ATP8A2: variants seen among roughly 807,000 people sequenced by gnomAD.
ATP8A2 encodes phospholipid-transporting ATPase IB.
Under a neutral mutation model 165.6 loss-of-function variants are expected in ATP8A2, and 100 were observed. That is an observed-to-expected ratio of 0.60 (90% CI 0.51 to 0.71). The LOEUF (loss-of-function observed/expected upper bound fraction) is 0.71, where lower values mean the gene tolerates loss of function less well. Ranked by LOEUF, ATP8A2 falls within the 30% of genes least tolerant of loss-of-function variation. The pLI is 0.00. For missense variants in ATP8A2, 1,227 were observed against 1,479.5 expected, an observed-to-expected ratio of 0.83 and a Z score of 2.80; for synonymous variants, 543 against 548.8, an observed-to-expected ratio of 0.99 and a Z score of 0.15.
At chr13:25,869,949 G>T (rs1952629360) in intron 33 of ATP8A2, among the ~76,000 whole-genome samples, 1 of 152,232 alleles carries the variant, frequency 6.6e-6, no homozygotes, top group African/African-American at 2.4e-5. Context: ...AGAGGGCTTT[G>T]TGTATCCCAG....
At chr13:25,375,310 A>G (rs1593223233) in intron 1 of ATP8A2, among the ~76,000 whole-genome samples, 1 of 152,328 alleles carries the variant, frequency 6.6e-6, no homozygotes, top group African/African-American at 2.4e-5. Context: ...GGCAGTGACT[A>G]CAGTGCACGT....
chr13:25,581,865 C>A lies in ATP8A2; in HGVS notation c.2054C>A (p.Ala685Glu). The change falls in exon 23 of 37, where the codon GCA becomes GAA. Residue 685 changes from alanine (A) to glutamate (E), a missense_variant. By Grantham distance (107) the Ala-to-Glu change is moderately radical. Coordinates refer to ENST00000381655, the MANE Select transcript of ATP8A2 (RefSeq NM_016529.6). ...ACAGCCATAGAAGATCGCCTTCAAG[C>A]AGGAGTTCCAGAAACCATCGCAACA... is the stretch of plus-strand genomic sequence containing the variant. ...GATAIEDRLQ[A>E]GVPETIATLL... 1 of 1,613,978 alleles carries A rather than the reference C, an allele frequency of 6.2e-7. No individual in the cohort carries two copies. The highest frequency in any genetic ancestry group is 8.5e-7 in the Non-Finnish European group (1 of 1,179,884).
intron 24 of ATP8A2, among the ~76,000 whole-genome samples, chr13:25,624,359 T>C (rs1056336680): frequency 7.2e-5 from 11 of 152,176 alleles, no homozygotes; most frequent in African/African-American, 2.7e-4. Flanking sequence ...AGGAGACAAA[T>C]GAAATTACAG....
intron 1 of ATP8A2, among the ~76,000 whole-genome samples, chr13:25,391,022 C>A (rs2033227580): frequency 1.3e-5 from 2 of 151,980 alleles, no homozygotes; most frequent in Non-Finnish European, 1.5e-5. Context: ...GGATGGACTG[C>A]AGTTTGTTCA....
At chr13:25,630,083 C>G (rs1002201268) in intron 24 of ATP8A2, among the ~76,000 whole-genome samples, 1 of 122,966 alleles carries the variant, frequency 8.1e-6, no homozygotes, top group South Asian at 2.8e-4. Flanking sequence ...TTTTGTCCCC[C>G]CCCCACCACC....
intron 13 of ATP8A2, among the ~76,000 whole-genome samples, chr13:25,555,970 A>G (rs998914051): frequency 6.6e-6 from 1 of 152,026 alleles, no homozygotes; most frequent in African/African-American, 2.4e-5. Context: ...TTTTCTGGCT[A>G]TGTATTCCAT....
At chr13:25,482,182 A>C (rs189229889) in intron 2 of ATP8A2, among the ~76,000 whole-genome samples, 1 of 152,250 alleles carries the variant, frequency 6.6e-6, no homozygotes, top group East Asian at 1.9e-4. Flanking sequence ...CCTGCTTTAG[A>C]TTCAGTTGAT....
At chr13:25,784,156 TA>T (rs541353932) in intron 27 of ATP8A2, among the ~76,000 whole-genome samples, 4 of 137,848 alleles carry the variant, frequency 2.9e-5, no homozygotes, top group Non-Finnish European at 4.6e-5. Flanking sequence ...GATCCAGCAC[TA>T]AAAAAATGTT....
chr13:25,504,081 A>G lies in ATP8A2; in HGVS notation c.222-25918A>G, dbSNP rs1324389960. ...TGCACTGGAGAGCATGTTGGAAGGAATCCAGTGGTGGATTGCAGTCCACTT... is the reference window on the plus strand; with the variant it reads ...TGCACTGGAGAGCATGTTGGAAGGAGTCCAGTGGTGGATTGCAGTCCACTT... On this transcript the variant is annotated intron_variant, in intron 2 of 36. Coordinates refer to ENST00000381655, the MANE Select transcript of ATP8A2 (RefSeq NM_016529.6). Among the ~76,000 whole-genome samples, 3 of 152,344 alleles carry G rather than the reference A, an allele frequency of 2.0e-5. No individual in the cohort carries two copies. In the East Asian group the frequency reaches 5.8e-4, roughly 29 times the overall value.
intron 33 of ATP8A2, among the ~76,000 whole-genome samples, chr13:25,941,143 T>TC (rs1955059667): frequency 6.6e-6 from 1 of 151,982 alleles, no homozygotes; most frequent in African/African-American, 2.4e-5. Context: ...TAGTTCCACC[T>TC]CCCCCGAGTA....
chr13:25,396,157 T>C (rs2033417970), intron 1 of ATP8A2, among the ~76,000 whole-genome samples: 2 of 152,136 alleles, frequency 1.3e-5, no homozygotes, highest in African/African-American at 4.8e-5. Flanking sequence ...CCAATGTTAA[T>C]AGACTGAGTG....
At chr13:25,711,849 G>C (rs2043165732) in intron 25 of ATP8A2, among the ~76,000 whole-genome samples, 1 of 152,140 alleles carries the variant, frequency 6.6e-6, no homozygotes, top group African/African-American at 2.4e-5. Context: ...ATGGGGTAGA[G>C]ATGAAGCACT....
intron 27 of ATP8A2, among the ~76,000 whole-genome samples, chr13:25,775,186 C>T (rs1187057116): frequency 1.3e-5 from 2 of 152,172 alleles, no homozygotes; most frequent in African/African-American, 2.4e-5. Context: ...CCTTTCTTAC[C>T]TACCCGGACA....
intron 33 of ATP8A2, among the ~76,000 whole-genome samples, chr13:25,911,921 A>G (rs1426438832): frequency 6.6e-6 from 1 of 152,176 alleles, no homozygotes; most frequent in African/African-American, 2.4e-5. Context: ...TGTAGTTTGG[A>G]ATGTGAATTA....
intron 30 of ATP8A2, among the ~76,000 whole-genome samples, chr13:25,848,686 G>A (rs571155850): frequency 7.2e-5 from 11 of 152,136 alleles, no homozygotes; most frequent in Non-Finnish European, 1.3e-4. Flanking sequence ...ACCCGGCAGC[G>A]CTGGTTGTGA....
intron 27 of ATP8A2, among the ~76,000 whole-genome samples, chr13:25,818,255 T>G (rs1951078216): frequency 6.6e-6 from 1 of 152,172 alleles, no homozygotes; most frequent in African/African-American, 2.4e-5. Context: ...AAGGATCCCT[T>G]GGCACTCAAG....
chr13:25,632,207 T>C (rs2041257665), intron 24 of ATP8A2, among the ~76,000 whole-genome samples: 1 of 152,100 alleles, frequency 6.6e-6, no homozygotes, highest in Non-Finnish European at 1.5e-5. Context: ...CTGCATGTGT[T>C]CAGCAACCTG....
chr13:25,521,786 A>C lies in ATP8A2; in HGVS notation c.222-8213A>C, dbSNP rs186067145. On this transcript the variant is annotated intron_variant, in intron 2 of 36. Transcript: ENST00000381655. Reference sequence around the variant, plus strand: ...ACTCCAGGCTTCAAGTGGTGCTCCCACCTTGGCCTCCCAATGGCTTCTCTA... The same window carrying C: ...ACTCCAGGCTTCAAGTGGTGCTCCCCCCTTGGCCTCCCAATGGCTTCTCTA... Among the ~76,000 whole-genome samples, 9 of 152,132 alleles carry C rather than the reference A, an allele frequency of 5.9e-5. No homozygotes were observed. In the South Asian group the frequency reaches 8.3e-4, roughly 14 times the overall value.
intron 33 of ATP8A2, among the ~76,000 whole-genome samples, chr13:25,942,077 C>T (rs1955086225): frequency 6.6e-6 from 1 of 152,072 alleles, no homozygotes; most frequent in South Asian, 2.1e-4. Context: ...TGTACTCTTC[C>T]TCAACACTGG....
Sources: gnomAD v4.1 joint callset for allele counts (sites outside exome capture counted in the v4.1 genomes callset) on GRCh38, gnomAD v4.1.1 for gene constraint, MANE v1.5 for transcripts, NCBI Gene and HGNC (gene_info 2026-07-23, HGNC 2026-07-21) for gene names.